Variants in NR4A1 observed in about 807,000 individuals in gnomAD.
NR4A1 encodes the protein nuclear receptor subfamily 4immunitygroup A member 1.
NR4A1 carries 24 observed loss-of-function variants against 47.5 expected under a neutral mutation model. The observed-to-expected ratio is 0.50, with a 90% CI of 0.37 to 0.71. The LOEUF (loss-of-function observed/expected upper bound fraction) is 0.71. Ranked by LOEUF, NR4A1 falls within the 30% of genes least tolerant of loss-of-function variation. The probability of loss-of-function intolerance (pLI) is 0.00; values close to 1 mark genes in which losing one functional copy is unlikely to be tolerated. For synonymous variants in NR4A1, 353 were observed against 345.7 expected, an observed-to-expected ratio of 1.02 and a Z score of -0.24; for missense variants, 669 against 788.6, an observed-to-expected ratio of 0.85 and a Z score of 1.82.
chr12:52,050,359 A>G (rs1938862299), upstream of NR4A1, among the ~76,000 whole-genome samples: 1 of 152,150 alleles, frequency 6.6e-6, no homozygotes, highest in Non-Finnish European at 1.5e-5. Flanking sequence ...TATTGATAAG[A>G]GGCGTGGAGA....
At chr12:52,037,097 C>G (rs1349746596) in intron 1 of NR4A1, 1 of 150,300 alleles carries the variant, frequency 6.7e-6, no homozygotes, top group African/African-American at 2.4e-5. Context: ...ATTCCGGAGA[C>G]GTCAATGGGC....
rs757126247 is a variant in NR4A1 at position 52,057,017 on chromosome 12, GC to G, written c.1159-38del. 8 of 1,536,448 alleles carry G rather than the reference GC, an allele frequency of 5.2e-6. No individual in the cohort carries two copies. In the South Asian group the frequency reaches 9.7e-5, roughly 19 times the overall value. ...GCCATACGTGGCAGTGGGTGTAGGA[GC>G]CTGCCTGGGGTGCTGACCCCACTGG... On this transcript the variant is annotated intron_variant, in intron 4 of 6. Transcript: ENST00000394825.
rs760653298 is a variant in NR4A1 at position 52,054,553 on chromosome 12, CCAGCCATGCTCCT to C, written c.231_243del (p.Cys78ProfsTer35). On this transcript the variant is annotated frameshift_variant, in exon 2 of 7. Coordinates refer to ENST00000394825, the MANE Select transcript of NR4A1 (RefSeq NM_173157.3). LOFTEE classifies it high-confidence loss of function. ...TCCTCTACCAGCTGCCAGGAACAGT[CCAGCCATGCTCCT>C]CAGCCTCCTCCTCGGCCTCCTCCAC... 6.2e-7 allele frequency: 1 copy of C among 1,614,130 alleles called. No homozygotes were observed.
chr12:52,056,300 G>A (rs1939269683), intron 3 of NR4A1, 141 bp downstream of exon 3: 1 of 1,403,080 alleles, frequency 7.1e-7, no homozygotes, highest in Non-Finnish European at 9.6e-7. Flanking sequence ...CCAGGCCTTG[G>A]AGGGAGGCAG....
upstream of NR4A1, among the ~76,000 whole-genome samples, chr12:52,048,557 G>T (rs1398256997): frequency 3.3e-5 from 5 of 152,188 alleles, no homozygotes; most frequent in African/African-American, 1.2e-4. Context: ...TAGTGCCACT[G>T]CACTCCAGCC....
intron 1 of NR4A1, among the ~76,000 whole-genome samples, chr12:52,029,001 A>G (rs1177453268): frequency 6.6e-6 from 1 of 152,210 alleles, no homozygotes; most frequent in Non-Finnish European, 1.5e-5. Flanking sequence ...GTATTCCCCA[A>G]ATCCTTTAGT....
intron 1 of NR4A1, among the ~76,000 whole-genome samples, 180 bp downstream of exon 1, chr12:52,051,748 G>A (rs997571351): frequency 1.3e-5 from 2 of 152,214 alleles, no homozygotes; most frequent in African/African-American, 4.8e-5. Flanking sequence ...GTGCGGGGTA[G>A]GAGGTAGGGG....
intron 1 of NR4A1, chr12:52,038,810 C>A: frequency 1.3e-6 from 1 of 749,090 alleles, no homozygotes; most frequent in South Asian, 1.4e-5. Flanking sequence ...GATTCCTGTG[C>A]TGAGGCCTCT....
Position 52,055,205 on chromosome 12 carries a change from G to A in NR4A1, c.876+1G>A. ...TGAGGGCTGCAAGGGCTTCTTCAAG[G>A]TACCGCGCAGCCCCAGGTGGGGCCT... On this transcript the variant is annotated splice_donor_variant, in intron 2 of 6. Coordinates refer to ENST00000394825, the MANE Select transcript of NR4A1 (RefSeq NM_173157.3). LOFTEE classifies it high-confidence loss of function. The A allele has an allele frequency of 6.2e-7, 1 of 1,611,660 alleles. No homozygotes were observed. Among genetic ancestry groups the A allele is most frequent in the Non-Finnish European group, 8.5e-7 (1 of 1,180,012 alleles).
rs570850379 is a variant in NR4A1 at position 52,055,012 on chromosome 12, G to C, written c.684G>C (p.Thr228=). ...LGEGESYSMP[T]AFPGLAPTSP... ...AGGGAGAGAGCTATTCCATGCCTAC[G>C]GCCTTCCCAGGTTTGGCACCCACTT... Residue 228 remains threonine, a synonymous_variant, in exon 2 of 7, where the codon ACG becomes ACC. Coordinates refer to ENST00000394825, the MANE Select transcript of NR4A1 (RefSeq NM_173157.3). 21 of 1,614,186 alleles carry C rather than the reference G, an allele frequency of 1.3e-5. No homozygotes were observed. The highest frequency in any genetic ancestry group is 1.7e-5 in the Non-Finnish European group (20 of 1,180,038).
chr12:52,051,346 A>C, upstream of NR4A1: 1 of 973,240 alleles, frequency 1.0e-6, no homozygotes, highest in Non-Finnish European at 1.2e-6. Flanking sequence ...GCGCCCTTGT[A>C]TGGCCAAAGC....
chr12:52,023,898 T>G (rs957672994), intron 1 of NR4A1, among the ~76,000 whole-genome samples: 3 of 152,070 alleles, frequency 2.0e-5, no homozygotes. Flanking sequence ...ACGGCCACAC[T>G]CGTCACCTCG....
At chr12:52,046,443 A>T (rs1344559845), upstream of NR4A1, among the ~76,000 whole-genome samples, 4 of 152,184 alleles carry the variant, frequency 2.6e-5, no homozygotes, top group Non-Finnish European at 4.4e-5. Context: ...AGGAGGGGTA[A>T]GGGCCTGGTG....
intron 1 of NR4A1, chr12:52,052,654 A>G (rs970747010): frequency 9.1e-6 from 9 of 985,404 alleles, no homozygotes; most frequent in East Asian, 1.1e-4. Flanking sequence ...ATGTAGGTCC[A>G]TATCTTGTGT....
chr12:52,054,613 C>T lies in NR4A1; in HGVS notation c.285C>T (p.Ser95=), dbSNP rs1177748827. 2 of 1,614,196 alleles carry T rather than the reference C, an allele frequency of 1.2e-6. No homozygotes were observed. Among genetic ancestry groups the T allele is most frequent in the Admixed American group, 1.7e-5 (1 of 60,030 alleles). The change falls in exon 2 of 7, where the codon TCC becomes TCT. Residue 95 remains serine (S), a synonymous_variant. Transcript: ENST00000394825. ...CCACATCCTCGTCCTCAGCCACCTC[C>T]CCTGCCTCTGCCTCCTTCAAGTTCG... ...ASSTSSSSAT[S]PASASFKFED...
chr12:52,028,698 G>C (rs1033509626), intron 1 of NR4A1, among the ~76,000 whole-genome samples: 4 of 151,886 alleles, frequency 2.6e-5, no homozygotes, highest in African/African-American at 9.7e-5. Context: ...GAGGTCAGGA[G>C]TTCAAGACCA....
At chr12:52,031,325 C>T (rs1938122936) in intron 1 of NR4A1, among the ~76,000 whole-genome samples, 1 of 151,710 alleles carries the variant, frequency 6.6e-6, no homozygotes, top group Admixed American at 6.6e-5. Flanking sequence ...CAGTGGTGCC[C>T]AGCCTTCCCT....
At chr12:52,055,878 C>T (rs1939238034) in intron 2 of NR4A1, 152 bp from the exon 3 acceptor site, 1 of 477,854 alleles carries the variant, frequency 2.1e-6, no homozygotes, top group Non-Finnish European at 3.6e-6. Context: ...CCCGTCTCTC[C>T]CTCCCTTGCC....
At chr12:52,033,226 C>A (rs1252339057) in intron 1 of NR4A1, among the ~76,000 whole-genome samples, 1 of 152,066 alleles carries the variant, frequency 6.6e-6, no homozygotes, top group East Asian at 1.9e-4. Flanking sequence ...CGGCCCTGTT[C>A]CTTCCGGCCC....
Sources: allele counts gnomAD v4.1 joint callset (sites outside exome capture counted in the v4.1 genomes callset), GRCh38; gene constraint gnomAD v4.1.1; transcripts MANE v1.5; gene names NCBI Gene and HGNC (gene_info 2026-07-23, HGNC 2026-07-21).